The following MTOR variants were observed in gnomAD, a reference collection of about 807,000 sequenced individuals.
The protein encoded by MTOR is mechanistic target of rapamycin kinase.
In MTOR, 70 loss-of-function variants were observed where a neutral mutation model predicts 319.8. That is an observed-to-expected ratio of 0.22 (90% confidence interval 0.18 to 0.27). The LOEUF (loss-of-function observed/expected upper bound fraction) is 0.27. Ranked by LOEUF, MTOR falls within the 10% of genes least tolerant of loss-of-function variation. The pLI is 1.00. For synonymous variants in MTOR, 1,183 were observed against 1,211.4 expected, an observed-to-expected ratio of 0.98 and a Z score of 0.49; for missense variants, 1,890 against 3,274.4, an observed-to-expected ratio of 0.58 and a Z score of 10.32.
At chr1:11,219,636 T>C (rs1286955337) in intron 19 of MTOR, among the ~76,000 whole-genome samples, 1 of 152,098 alleles carries the variant, frequency 6.6e-6, no homozygotes, top group Non-Finnish European at 1.5e-5. Context: ...GCATGACTTC[T>C]CAGAAACAAT....
rs1322132973 is a variant in MTOR at position 11,127,965 on chromosome 1, G to A, written c.6033+39C>T. The A allele has an allele frequency of 2.5e-6, 4 of 1,611,456 alleles. No homozygotes were observed. Among genetic ancestry groups the A allele is most frequent in the South Asian group, 2.2e-5 (2 of 90,792 alleles). On this transcript the variant is annotated intron_variant, in intron 43 of 57. Transcript: ENST00000361445. The surrounding 1 kb of genome is among the most constrained non-coding windows in gnomAD (Gnocchi z 5.5). The stretch of plus-strand genomic sequence containing the variant: ...TCCCACTTGCGCCCACCAGCTAAGG[G>A]ACCAGGGTCTATGAAGCCCCACAGT...
intron 54 of MTOR, among the ~76,000 whole-genome samples, chr1:11,112,390 G>A (rs936067847): frequency 6.6e-6 from 1 of 152,076 alleles, no homozygotes; most frequent in African/African-American, 2.4e-5. Context: ...AGAGCTTCAG[G>A]TACCCACTCC....
chr1:11,165,840 A>G (rs1483808621), intron 29 of MTOR, among the ~76,000 whole-genome samples: 1 of 152,238 alleles, frequency 6.6e-6, no homozygotes, highest in Non-Finnish European at 1.5e-5. Flanking sequence ...CCTGACTTCA[A>G]ATTATACTAC....
intron 56 of MTOR, among the ~76,000 whole-genome samples, chr1:11,108,726 A>AG (rs551513774): frequency 0.01 from 1,556 of 151,132 alleles, 58 homozygotes; most frequent in South Asian, 0.063. Context: ...AAAAAAAAAA[A>AG]AAAAGAAAAG....
rs1646239872 is a variant in MTOR at position 11,209,326 on chromosome 1, T to C, written c.3787A>G (p.Ile1263Val). ...AATGGACTTGCCTTTTGGAGGTTGA[T>C]GGTGCTGACGTGCAGTTTCTTCATG... ...GPMKKLHVST[I>V]NLQKAWGAAR... Residue 1263 changes from isoleucine to valine, a missense_variant, in exon 25 of 58, where the codon ATC becomes GTC. Coordinates refer to ENST00000361445, the MANE Select transcript of MTOR (RefSeq NM_004958.4). The C allele has an allele frequency of 1.2e-6, 2 of 1,614,220 alleles. No homozygotes were observed. The highest frequency in any genetic ancestry group is 8.5e-7 in the Non-Finnish European group (1 of 1,180,026).
chr1:11,228,351 G>C (rs182715030), intron 19 of MTOR, among the ~76,000 whole-genome samples: 2 of 152,140 alleles, frequency 1.3e-5, no homozygotes, highest in East Asian at 3.9e-4. Flanking sequence ...ATCACGCATG[G>C]CTAATTTTTG....
intron 52 of MTOR, 69 bp from the exon 53 acceptor site, chr1:11,114,522 CTGTTA>C: frequency 6.3e-7 from 1 of 1,597,354 alleles, no homozygotes; most frequent in Non-Finnish European, 8.6e-7. Context: ...CCGAGGGGGT[CTGTTA>C]CCCTCACTTA....
rs1234431409 is a variant in MTOR, at chr1:11,146,659, T to C, written c.4686+17A>G. On this transcript the variant is annotated intron_variant, in intron 32 of 57. Transcript: ENST00000361445. ...TCTTTTCCTCACTGAGAGATCTGGGTGCATGTAGGTTTTTACCTGTTGTGC... is the reference window on the plus strand; with the variant it reads ...TCTTTTCCTCACTGAGAGATCTGGGCGCATGTAGGTTTTTACCTGTTGTGC... 1.3e-6 allele frequency: 2 copies of C among 1,592,466 alleles called. No individual in the cohort carries two copies. The highest frequency in any genetic ancestry group is 1.7e-6 in the Non-Finnish European group (2 of 1,160,304).
chr1:11,201,250 A>T (rs1645959504), intron 26 of MTOR, among the ~76,000 whole-genome samples: 1 of 152,224 alleles, frequency 6.6e-6, no homozygotes, highest in African/African-American at 2.4e-5. Context: ...GGATAAAAAC[A>T]TTGTGTATAT....
In MTOR at chr1:11,121,395, A is replaced by C. The variant is rs1198923502; in HGVS notation, c.6811-27T>G. On this transcript the variant is annotated intron_variant, in intron 48 of 57. Transcript: ENST00000361445. The surrounding 1 kb of genome is among the most constrained non-coding windows in gnomAD (Gnocchi z 4.9). ...TGCATCAGGACACAACTGTTCAGTA[A>C]GAGAGCAGCCTAAGACATGTAGTTT... 2.5e-6 allele frequency: 4 copies of C among 1,613,340 alleles called. No homozygotes were observed. Among genetic ancestry groups the C allele is most frequent in the East Asian group, 4.5e-5 (2 of 44,888 alleles).
At chr1:11,186,882 G>A (rs1645337458) in intron 28 of MTOR, among the ~76,000 whole-genome samples, 1 of 152,126 alleles carries the variant, frequency 6.6e-6, no homozygotes, top group African/African-American at 2.4e-5. Flanking sequence ...CATTTGGGTA[G>A]CTTATGCAAT....
chr1:11,127,285 G>A lies in MTOR; in HGVS notation c.6217-141C>T, dbSNP rs1233581066. The stretch of plus-strand genomic sequence containing the variant: ...TGGCAGGGGGCTGGAGAAAGCAAGA[G>A]CATAGGTGCAGGCCTCCAACCCTGG... On this transcript the variant is annotated intron_variant, in intron 44 of 57. Transcript: ENST00000361445. This position sits in a 1 kb window ranked among gnomAD's most constrained non-coding sequence, Gnocchi z 5.5. 39 of 1,203,804 alleles carry A rather than the reference G, an allele frequency of 3.2e-5. No individual in the cohort carries two copies. In the East Asian group the frequency reaches 3.9e-4, roughly 12 times the overall value. The allele number at this position is 1,203,804 out of a possible 1,614,324, so 74.6% of individuals were successfully genotyped here. A position where few individuals can be genotyped will look rare whatever the true frequency, so the allele number is the denominator to read the frequency against.
chr1:11,210,453 A>T (rs1479022613), intron 24 of MTOR, among the ~76,000 whole-genome samples: 3 of 152,218 alleles, frequency 2.0e-5, no homozygotes, highest in Non-Finnish European at 4.4e-5. Context: ...GTTTTTATAT[A>T]GCCCAAGAGC....
At chr1:11,164,037 G>T (rs1292230455) in intron 29 of MTOR, among the ~76,000 whole-genome samples, 2 of 152,150 alleles carry the variant, frequency 1.3e-5, no homozygotes, top group East Asian at 3.8e-4. Context: ...TAGACCACTA[G>T]CAAGACTAAT....
At chr1:11,241,349 CG>C (rs1331221397) in intron 10 of MTOR, among the ~76,000 whole-genome samples, 1 of 150,592 alleles carries the variant, frequency 6.6e-6, no homozygotes, top group Non-Finnish European at 1.5e-5. Flanking sequence ...AAATGAGGCT[CG>C]GGGAAATTAA....
chr1:11,134,525 G>T, intron 36 of MTOR, 59 bp from the exon 37 acceptor site: 1 of 1,468,362 alleles, frequency 6.8e-7, no homozygotes. Flanking sequence ...TCAGAGGAAG[G>T]GAGCTACCGT....
chr1:11,111,125 T>A, intron 54 of MTOR: 1 of 455,904 alleles, frequency 2.2e-6, no homozygotes, highest in South Asian at 1.5e-5. Flanking sequence ...GTATCCCAAT[T>A]TCTTGCCTGA....
chr1:11,159,740 T>C (rs1231663980), intron 29 of MTOR, among the ~76,000 whole-genome samples: 1 of 152,190 alleles, frequency 6.6e-6, no homozygotes, highest in Admixed American at 6.5e-5. Context: ...AAATGCTAGA[T>C]GATCAAACAA....
At chr1:11,194,310 G>A (rs747065447) in intron 28 of MTOR, 143 of 750,478 alleles carry the variant, frequency 1.9e-4, no homozygotes, top group Middle Eastern at 3.9e-4. Flanking sequence ...GGTTAACACA[G>A]TAAACTGGAG....
Sources: allele counts gnomAD v4.1 joint callset (sites outside exome capture counted in the v4.1 genomes callset), GRCh38; gene constraint gnomAD v4.1.1; non-coding constraint Gnocchi (gnomAD v3.1); transcripts MANE v1.5; gene names NCBI Gene and HGNC (gene_info 2026-07-23, HGNC 2026-07-21).